GBE1: variants seen among roughly 807,000 people sequenced by gnomAD.
The protein encoded by GBE1 is 1,4-alpha-glucan branching enzyme 1.
In GBE1, 70 loss-of-function variants were observed where a neutral mutation model predicts 88.8. That is an observed-to-expected ratio of 0.79 (90% CI 0.65 to 0.96). The LOEUF (loss-of-function observed/expected upper bound fraction) is 0.96. GBE1 is among the 40% of genes least tolerant of loss of function. GBE1 has a pLI of 0.00. For synonymous variants in GBE1, 284 were observed against 300.1 expected (o/e 0.95, Z 0.56); for missense variants, 872 against 871.0 (o/e 1.00, Z -0.01).
chr3:81,645,205 C>T (rs544178506), intron 6 of GBE1, among the ~76,000 whole-genome samples: 2 of 152,112 alleles, frequency 1.3e-5, no homozygotes, highest in South Asian at 4.1e-4. Context: ...ATATTTCATA[C>T]AGATGAAGAA....
intron 7 of GBE1, among the ~76,000 whole-genome samples, chr3:81,610,072 A>G (rs1321709958): frequency 6.6e-6 from 1 of 152,218 alleles, no homozygotes; most frequent in African/African-American, 2.4e-5. Flanking sequence ...ATTACACAAA[A>G]ATTAGTATTG....
intron 7 of GBE1, chr3:81,612,834 G>A (rs1704200439): frequency 2.3e-6 from 1 of 429,006 alleles, no homozygotes; most frequent in South Asian, 1.9e-5. Flanking sequence ...TTCTGATGCA[G>A]GTGTGGATGA....
At chr3:81,709,834 C>A (rs987068291) in intron 1 of GBE1, among the ~76,000 whole-genome samples, 1 of 152,144 alleles carries the variant, frequency 6.6e-6, no homozygotes, top group African/African-American at 2.4e-5. Context: ...GAGGATACAG[C>A]AAGCTCATCA....
chr3:81,743,749 T>G, intron 1 of GBE1: 1 of 617,862 alleles, frequency 1.6e-6, no homozygotes, highest in Non-Finnish European at 2.7e-6. Context: ...GTGTTGTTTG[T>G]GTTTTTGCTT....
At chr3:81,611,303 T>A (rs1263275009) in intron 7 of GBE1, among the ~76,000 whole-genome samples, 1 of 152,194 alleles carries the variant, frequency 6.6e-6, no homozygotes, top group Non-Finnish European at 1.5e-5. Flanking sequence ...TCTGGTATAG[T>A]ACATTCAGTT....
At chr3:81,571,998 C>T (rs1231659884) in intron 12 of GBE1, among the ~76,000 whole-genome samples, 2 of 152,068 alleles carry the variant, frequency 1.3e-5, no homozygotes. Flanking sequence ...ATTGTAATTC[C>T]CATAATCCCC....
chr3:81,711,000 A>T (rs1238830288), intron 1 of GBE1, among the ~76,000 whole-genome samples: 1 of 152,200 alleles, frequency 6.6e-6, no homozygotes, highest in Non-Finnish European at 1.5e-5. Context: ...GGCGGCAGGG[A>T]GTTACTACTA....
intron 14 of GBE1, among the ~76,000 whole-genome samples, chr3:81,516,097 G>A (rs570851045): frequency 1.3e-5 from 2 of 151,778 alleles, no homozygotes; most frequent in South Asian, 4.1e-4. Flanking sequence ...CTAAACAATG[G>A]ATTTTCAGTG....
intron 1 of GBE1, among the ~76,000 whole-genome samples, chr3:81,713,410 T>C (rs918664413): frequency 6.6e-6 from 1 of 152,074 alleles, no homozygotes; most frequent in Non-Finnish European, 1.5e-5. Context: ...CCAATTGGGA[T>C]GAAAAAGATT....
chr3:81,506,477 A>G (rs1210987477), intron 14 of GBE1, among the ~76,000 whole-genome samples: 1 of 152,190 alleles, frequency 6.6e-6, no homozygotes, highest in Non-Finnish European at 1.5e-5. Flanking sequence ...TCCTACCAAT[A>G]AATTAGTTTG....
chr3:81,681,290 G>T (rs1705337031), intron 2 of GBE1, among the ~76,000 whole-genome samples: 1 of 152,124 alleles, frequency 6.6e-6, no homozygotes, highest in Admixed American at 6.5e-5. Context: ...ACATTTGGGG[G>T]CCAGTAGGGG....
At chr3:81,714,714 A>G (rs928244498) in intron 1 of GBE1, among the ~76,000 whole-genome samples, 1 of 152,198 alleles carries the variant, frequency 6.6e-6, no homozygotes, top group Admixed American at 6.6e-5. Context: ...AACTGTTATA[A>G]CAAATAGACT....
intron 1 of GBE1, among the ~76,000 whole-genome samples, chr3:81,722,348 T>C (rs967423862): frequency 6.6e-6 from 1 of 152,108 alleles, no homozygotes; most frequent in African/African-American, 2.4e-5. Context: ...TACTAATATA[T>C]AGAAAAGTTA....
chr3:81,671,875 C>G (rs181438158), intron 2 of GBE1, among the ~76,000 whole-genome samples: 1 of 151,962 alleles, frequency 6.6e-6, no homozygotes, highest in African/African-American at 2.4e-5. Flanking sequence ...ACAAGACAAG[C>G]TATAAATTGG....
At chr3:81,657,712 T>A (rs2107090084) in intron 3 of GBE1, among the ~76,000 whole-genome samples, 1 of 152,308 alleles carries the variant, frequency 6.6e-6, no homozygotes, top group East Asian at 1.9e-4. Flanking sequence ...TTCTTGAAAT[T>A]ATTTTAATTT....
chr3:81,594,019 C>T lies in GBE1; in HGVS notation c.997G>A (p.Glu333Lys). The change falls in exon 8 of 16, where the codon GAA becomes AAA. Residue 333 changes from glutamate to lysine, a missense_variant. Physicochemically the swap from Glu to Lys is moderately conservative, Grantham distance 56. Transcript: ENST00000429644. The stretch of plus-strand genomic sequence containing the variant: ...TTTGACAGAAGGAATCTTAAAATTT[C>T]CCAGCTAAAATATAAGAGAAATATG... ...DSRLFAYSSW[E>K]ILRFLLSNIR... is the part of the protein sequence containing the mutation. 7.1e-7 allele frequency: 1 copy of T among 1,409,106 alleles called. No homozygotes were observed. The highest frequency in any genetic ancestry group is 9.9e-7 in the Non-Finnish European group (1 of 1,013,962). The allele number at this position is 1,409,106 out of a possible 1,614,324, so 87.3% of individuals were successfully genotyped here.
chr3:81,757,329 A>C (rs1217813633), intron 1 of GBE1, among the ~76,000 whole-genome samples: 1 of 152,202 alleles, frequency 6.6e-6, no homozygotes, highest in South Asian at 2.1e-4. Flanking sequence ...TACAGAACTC[A>C]AGAGAAATGA....
intron 13 of GBE1, 135 bp from the exon 14 acceptor site, chr3:81,535,460 A>G: frequency 1.2e-6 from 1 of 864,380 alleles, no homozygotes; most frequent in Non-Finnish European, 1.7e-6. Context: ...TTTTTTGAAC[A>G]TGTTACAATT....
chr3:81,578,154 T>C, intron 11 of GBE1, 58 bp from the exon 12 acceptor site: 1 of 1,240,566 alleles, frequency 8.1e-7, no homozygotes, highest in Non-Finnish European at 1.1e-6. Context: ...GTAGTTGTGA[T>C]TTACAATAGA....
Sources: gnomAD v4.1 joint callset for allele counts (sites outside exome capture counted in the v4.1 genomes callset) on GRCh38, gnomAD v4.1.1 for gene constraint, MANE v1.5 for transcripts, NCBI Gene and HGNC (gene_info 2026-07-23, HGNC 2026-07-21) for gene names.